Variants in ABCB5 observed in about 807,000 individuals in gnomAD.
ABCB5 encodes ATP-binding cassette sub-family B member 5.
A neutral mutation model predicts 144.2 loss-of-function variants in ABCB5; 155 were observed. The ratio of observed to expected loss-of-function variants is 1.08; its 90% CI spans 0.94 to 1.23. The LOEUF (loss-of-function observed/expected upper bound fraction) is 1.23. Ranked by LOEUF, ABCB5 falls within the 50% of genes most tolerant of loss-of-function variation. The pLI is 0.00. For synonymous variants in ABCB5, 610 were observed against 528.6 expected, an observed-to-expected ratio of 1.15 and a Z score of -2.11; for missense variants, 1,830 against 1,520.8, an observed-to-expected ratio of 1.20 and a Z score of -3.38.
At chr7:20,646,160 G>C in intron 9 of ABCB5, 22 bp downstream of exon 9, 1 of 1,602,638 alleles carries the variant, frequency 6.2e-7, no homozygotes, top group Non-Finnish European at 8.5e-7. Context: ...TTGAGAACAA[G>C]GTGTCAGGCC....
chr7:20,689,625 G>A (rs1448834177), intron 16 of ABCB5, among the ~76,000 whole-genome samples: 1 of 152,110 alleles, frequency 6.6e-6, no homozygotes, highest in Non-Finnish European at 1.5e-5. Flanking sequence ...AGAGAAAGCT[G>A]CATTCTGCAG....
intron 14 of ABCB5, 52 bp from the exon 15 acceptor site, chr7:20,681,453 G>A: frequency 6.3e-7 from 1 of 1,595,378 alleles, no homozygotes; most frequent in Non-Finnish European, 8.6e-7. Flanking sequence ...ACAGTGCAAA[G>A]GTTGTTATTT....
At chr7:20,751,720 A>T (rs1300472375) in intron 26 of ABCB5, among the ~76,000 whole-genome samples, 4 of 152,116 alleles carry the variant, frequency 2.6e-5, no homozygotes. Context: ...CCCTCATTTA[A>T]ATATGAACTT....
At chr7:20,630,795 C>A (rs1053593960) in intron 4 of ABCB5, among the ~76,000 whole-genome samples, 1 of 152,098 alleles carries the variant, frequency 6.6e-6, no homozygotes, top group Non-Finnish European at 1.5e-5. Flanking sequence ...GATTGCCTTA[C>A]CTGTTTTGGA....
chr7:20,740,275 C>T (rs1456396021), intron 24 of ABCB5, among the ~76,000 whole-genome samples: 1 of 151,982 alleles, frequency 6.6e-6, no homozygotes, highest in Non-Finnish European at 1.5e-5. Flanking sequence ...AAATAATAGT[C>T]TTATACATTA....
Position 20,628,579 on chromosome 7 carries a change from G to A in ABCB5, c.109-109G>A, listed in dbSNP as rs532763431. On this transcript the variant is annotated intron_variant, in intron 3 of 27. Coordinates refer to ENST00000404938, the MANE Select transcript of ABCB5 (RefSeq NM_001163941.2). The stretch of plus-strand genomic sequence containing the variant: ...CTTATTTACCATCTTAATGTATAAA[G>A]TCATGTTTACTAGGTGGCAAAGGCT... 3.6e-5 allele frequency: 40 copies of A among 1,099,920 alleles called. No individual in the cohort carries two copies. In the African/African-American group the frequency reaches 6.1e-4, roughly 17 times the overall value. The allele number at this position is 1,099,920 out of a possible 1,614,324, so 68.1% of individuals were successfully genotyped here.
chr7:20,647,272 G>T, intron 9 of ABCB5: 1 of 1,191,070 alleles, frequency 8.4e-7, no homozygotes, highest in Admixed American at 4.4e-5. Flanking sequence ...ATAACCACAA[G>T]ACTATGAGAT....
At chr7:20,710,403 G>A (rs1167724257) in intron 20 of ABCB5, among the ~76,000 whole-genome samples, 1 of 129,854 alleles carries the variant, frequency 7.7e-6, no homozygotes, top group Non-Finnish European at 1.6e-5. Flanking sequence ...GCATGACTGT[G>A]TTTCAATAAA....
intron 20 of ABCB5, among the ~76,000 whole-genome samples, chr7:20,707,210 A>G (rs750154751): frequency 3.4e-4 from 52 of 152,240 alleles, no homozygotes; most frequent in Non-Finnish European, 6.3e-4. Flanking sequence ...TGTTCATAAA[A>G]TAGCTCCTTA....
chr7:20,727,904 G>A (rs772282888), intron 22 of ABCB5, among the ~76,000 whole-genome samples: 36 of 151,782 alleles, frequency 2.4e-4, no homozygotes, highest in Non-Finnish European at 4.1e-4. Context: ...TACTCTTTTG[G>A]ACTCATACTT....
At chr7:20,621,692 A>G (rs1783808877) in intron 1 of ABCB5, among the ~76,000 whole-genome samples, 1 of 152,172 alleles carries the variant, frequency 6.6e-6, no homozygotes. Flanking sequence ...TCACGAATAT[A>G]ATACAGACAC....
At chr7:20,739,229 G>A in intron 24 of ABCB5, 90 bp downstream of exon 24, 2 of 1,363,816 alleles carry the variant, frequency 1.5e-6, no homozygotes, top group Non-Finnish European at 1.9e-6. Context: ...AGAGGGGCAA[G>A]GGCTGAAAAA....
At chr7:20,679,225 TG>T (rs1273098690) in intron 14 of ABCB5, among the ~76,000 whole-genome samples, 2 of 152,016 alleles carry the variant, frequency 1.3e-5, no homozygotes, top group African/African-American at 2.4e-5. Context: ...CCCAGCACTT[TG>T]GGATGCTGAG....
At chr7:20,658,423 C>A in intron 13 of ABCB5, 83 bp from the exon 14 acceptor site, 3 of 1,352,634 alleles carry the variant, frequency 2.2e-6, no homozygotes, top group East Asian at 2.5e-5. Context: ...GATATTAAAA[C>A]ACAACTGGGA....
chr7:20,650,262 A>G (rs759899777), intron 12 of ABCB5, 115 bp downstream of exon 12: 3 of 1,344,782 alleles, frequency 2.2e-6, no homozygotes, highest in Non-Finnish European at 2.0e-6. Flanking sequence ...GAGAAGCCAT[A>G]TTGTTTTCTT....
rs375429868 is a variant in ABCB5 at position 20,658,692 on chromosome 7, C to A, written c.1707+16C>A. On this transcript the variant is annotated intron_variant, in intron 14 of 27. Transcript: ENST00000404938. ...ACTGGAGAAGGTAAGTGAGCAGAAACGTTTCTTATTTCCATACTCCTGGTT... is the reference window on the plus strand; with the variant it reads ...ACTGGAGAAGGTAAGTGAGCAGAAAAGTTTCTTATTTCCATACTCCTGGTT... 1.9e-6 allele frequency: 3 copies of A among 1,611,744 alleles called. No homozygotes were observed. Among genetic ancestry groups the A allele is most frequent in the South Asian group, 2.2e-5 (2 of 90,550 alleles).
chr7:20,689,938 G>A (rs967887024), intron 16 of ABCB5, among the ~76,000 whole-genome samples: 1 of 152,200 alleles, frequency 6.6e-6, no homozygotes, highest in Non-Finnish European at 1.5e-5. Context: ...AATGACTAAC[G>A]ACAGGGGTAG....
intron 26 of ABCB5, among the ~76,000 whole-genome samples, chr7:20,749,734 C>T (rs1229049937): frequency 2.6e-5 from 4 of 152,032 alleles, no homozygotes; most frequent in African/African-American, 9.7e-5. Flanking sequence ...CCATCTGAGC[C>T]TAGAGGGGAG....
chr7:20,725,883 A>T (rs1244859624), intron 21 of ABCB5, among the ~76,000 whole-genome samples: 1 of 152,188 alleles, frequency 6.6e-6, no homozygotes, highest in Non-Finnish European at 1.5e-5. Flanking sequence ...AACAACCAAC[A>T]TCAAAATTGG....
Sources: allele counts gnomAD v4.1 joint callset (sites outside exome capture counted in the v4.1 genomes callset), GRCh38; gene constraint gnomAD v4.1.1; transcripts MANE v1.5; gene names NCBI Gene and HGNC (gene_info 2026-07-23, HGNC 2026-07-21).